Variants in MAD1L1 observed in about 807,000 individuals in gnomAD.
MAD1L1 encodes the protein mitotic arrest deficient 1 like 1, also known as mitotic spindle assembly checkpoint protein MAD1.
In MAD1L1, 95 loss-of-function variants were observed where a neutral mutation model predicts 96.9. The observed-to-expected ratio is 0.98, with a 90% CI of 0.83 to 1.16. The LOEUF (loss-of-function observed/expected upper bound fraction) is 1.16. Ranked by LOEUF, MAD1L1 falls within the 50% of genes most tolerant of loss-of-function variation. MAD1L1 has a pLI of 0.00. For missense variants in MAD1L1, 1,007 were observed against 954.4 expected, an observed-to-expected ratio of 1.06 and a Z score of -0.73; for synonymous variants, 473 against 396.6, an observed-to-expected ratio of 1.19 and a Z score of -2.29.
chr7:1,925,221 T>C (rs1789021849), intron 17 of MAD1L1, among the ~76,000 whole-genome samples: 1 of 152,204 alleles, frequency 6.6e-6, no homozygotes, highest in Non-Finnish European at 1.5e-5. Context: ...CCAAATAAAC[T>C]TTAAATTGCA....
intron 10 of MAD1L1, among the ~76,000 whole-genome samples, chr7:2,208,069 C>T (rs1239127055): frequency 6.6e-6 from 1 of 152,278 alleles, no homozygotes; most frequent in East Asian, 1.9e-4. Context: ...CTTACAATGT[C>T]TCCATTTTTC....
At chr7:2,215,811 T>A in intron 9 of MAD1L1, 74 bp downstream of exon 9, 2 of 1,384,112 alleles carry the variant, frequency 1.4e-6, no homozygotes, top group Non-Finnish European at 2.1e-6. Context: ...CTGGTGGGCG[T>A]GACCACAATA....
intron 2 of MAD1L1, 60 bp downstream of exon 2, chr7:2,230,489 G>T (rs929785061): frequency 4.4e-5 from 10 of 227,386 alleles, no homozygotes; most frequent in Admixed American, 9.8e-5. Flanking sequence ...CAGAGACACA[G>T]AGCCAACAGG....
intron 16 of MAD1L1, among the ~76,000 whole-genome samples, chr7:1,947,619 G>A (rs938110803): frequency 6.6e-6 from 1 of 151,324 alleles, no homozygotes; most frequent in Non-Finnish European, 1.5e-5. Flanking sequence ...TCTCCTGCCC[G>A]TGGCCTTGCC....
chr7:1,826,607 C>T (rs1356259097), intron 18 of MAD1L1, among the ~76,000 whole-genome samples: 4 of 152,190 alleles, frequency 2.6e-5, no homozygotes, highest in Non-Finnish European at 5.9e-5. Flanking sequence ...TCGGGGGAGA[C>T]GACACAGCCG....
At chr7:1,887,503 G>A (rs1290985500) in intron 18 of MAD1L1, among the ~76,000 whole-genome samples, 1 of 151,844 alleles carries the variant, frequency 6.6e-6, no homozygotes, top group Non-Finnish European at 1.5e-5. Context: ...ATGTGTGCAT[G>A]TATGTGGCTG....
chr7:2,080,414 G>C (rs1161059259), intron 11 of MAD1L1, among the ~76,000 whole-genome samples: 1 of 152,212 alleles, frequency 6.6e-6, no homozygotes, highest in African/African-American at 2.4e-5. Flanking sequence ...CCGGGCGACT[G>C]CATGTCCCCC....
At chr7:2,066,769 C>T (rs1331316295) in intron 12 of MAD1L1, among the ~76,000 whole-genome samples, 2 of 152,230 alleles carry the variant, frequency 1.3e-5, no homozygotes, top group Non-Finnish European at 2.9e-5. Context: ...CTCCTCATCA[C>T]GGCCGGGAGC....
At chr7:1,893,388 G>A (rs1459744799) in intron 18 of MAD1L1, among the ~76,000 whole-genome samples, 1 of 152,228 alleles carries the variant, frequency 6.6e-6, no homozygotes, top group Non-Finnish European at 1.5e-5. Context: ...AACGGCTTCG[G>A]CTATTTCTAA....
intron 3 of MAD1L1, among the ~76,000 whole-genome samples, chr7:2,226,541 T>C (rs1249219175): frequency 2.6e-5 from 4 of 152,160 alleles, no homozygotes; most frequent in Non-Finnish European, 5.9e-5. Flanking sequence ...ACTTGCCAAA[T>C]AGTTCCAGAG....
At chr7:2,064,346 C>G (rs1450640161) in intron 12 of MAD1L1, among the ~76,000 whole-genome samples, 1 of 152,150 alleles carries the variant, frequency 6.6e-6, no homozygotes, top group Non-Finnish European at 1.5e-5. Flanking sequence ...GCAGAGTCAA[C>G]TGAGAACGCG....
intron 11 of MAD1L1, among the ~76,000 whole-genome samples, chr7:2,093,845 C>T (rs969167666): frequency 3.9e-5 from 6 of 152,146 alleles, no homozygotes; most frequent in East Asian, 1.9e-4. Flanking sequence ...CTGTGGGGCA[C>T]GGGGCAACAG....
intron 11 of MAD1L1, among the ~76,000 whole-genome samples, chr7:2,138,483 T>C (rs1788865732): frequency 6.6e-6 from 1 of 152,128 alleles, no homozygotes; most frequent in Admixed American, 6.5e-5. Context: ...TGAAAACAGA[T>C]CCTACTGACA....
intron 11 of MAD1L1, among the ~76,000 whole-genome samples, chr7:2,102,240 A>G (rs1319637176): frequency 6.7e-6 from 1 of 148,236 alleles, no homozygotes; most frequent in Admixed American, 6.7e-5. Flanking sequence ...CGCCACCACC[A>G]CCACCGCCAC....
chr7:1,947,031 G>A (rs1330610546), intron 16 of MAD1L1, among the ~76,000 whole-genome samples: 1 of 152,214 alleles, frequency 6.6e-6, no homozygotes, highest in African/African-American at 2.4e-5. Context: ...GTAGGTCTCC[G>A]TCCTCTCTGG....
In MAD1L1 at chr7:2,119,276, G is replaced by A; in HGVS notation, c.1073+29876C>T. ...GTGACCAAAGGAGTGCCCCGCCCCT[G>A]GTTCACAGACATGAGAAGCTCCCAG... is the stretch of plus-strand genomic sequence containing the variant. On this transcript the variant is annotated intron_variant, in intron 11 of 18. Transcript: ENST00000265854. The surrounding 1 kb of genome is among the most constrained non-coding windows in gnomAD (Gnocchi z 4.6). Among the ~76,000 whole-genome samples the A allele has an allele frequency of 6.6e-6, 1 of 152,164 alleles. No individual in the cohort carries two copies. The highest frequency in any genetic ancestry group is 1.9e-4 in the East Asian group (1 of 5,190).
At chr7:1,869,082 G>A (rs994581125) in intron 18 of MAD1L1, among the ~76,000 whole-genome samples, 2 of 152,180 alleles carry the variant, frequency 1.3e-5, no homozygotes, top group Admixed American at 1.3e-4. Flanking sequence ...GCCACACGTG[G>A]ACGGTGAGGC....
intron 16 of MAD1L1, among the ~76,000 whole-genome samples, chr7:1,945,864 G>A (rs911591121): frequency 6.6e-6 from 1 of 152,190 alleles, no homozygotes; most frequent in African/African-American, 2.4e-5. Flanking sequence ...GGGACCACCA[G>A]GGCAGGAGGT....
Position 2,206,337 on chromosome 7 carries a change from A to T in MAD1L1, c.986+6875T>A, listed in dbSNP as rs938466405. Among the ~76,000 whole-genome samples the T allele has an allele frequency of 4.6e-5, 7 of 152,164 alleles. No homozygotes were observed. In the South Asian group the frequency reaches 1.4e-3, roughly 32 times the overall value. On this transcript the variant is annotated intron_variant, in intron 10 of 18. Transcript: ENST00000265854. Reference sequence around the variant, plus strand: ...TTGAGAGCAGAAGTTTTCAATTTTGATGAAGTCTAATTTATCAATTTTTTC... The same window carrying T: ...TTGAGAGCAGAAGTTTTCAATTTTGTTGAAGTCTAATTTATCAATTTTTTC...
Sources: gnomAD v4.1 joint callset for allele counts (sites outside exome capture counted in the v4.1 genomes callset) on GRCh38, gnomAD v4.1.1 for gene constraint, Gnocchi (gnomAD v3.1) non-coding constraint, MANE v1.5 for transcripts, NCBI Gene and HGNC (gene_info 2026-07-23, HGNC 2026-07-21) for gene names.